Variants in CELA2A observed in about 807,000 individuals in gnomAD.
CELA2A encodes the protein chymotrypsin-like elastase family member 2A.
In CELA2A, 31 loss-of-function variants were observed where a neutral mutation model predicts 35.3. The observed-to-expected ratio is 0.88, with a 90% CI of 0.66 to 1.19. The LOEUF is 1.19. CELA2A is among the 50% of genes most tolerant of loss of function. The pLI, the probability that CELA2A is intolerant of heterozygous loss-of-function variation, is 0.00. For synonymous variants in CELA2A, 150 were observed against 149.8 expected (o/e 1.00, Z -0.01); for missense variants, 330 against 352.9 (o/e 0.94, Z 0.52).
chr1:15,462,594 C>T, intron 3 of CELA2A, 139 bp from the exon 4 acceptor site: 1 of 1,006,752 alleles, frequency 9.9e-7, no homozygotes, highest in Non-Finnish European at 1.5e-6. Flanking sequence ...TTATAACTAA[C>T]TGATTGTCCC....
chr1:15,464,823 A>G (rs201246163), intron 5 of CELA2A, among the ~76,000 whole-genome samples: 112 of 152,224 alleles, frequency 7.4e-4, no homozygotes, highest in East Asian at 1.7e-3. Context: ...CAGCTCTGTC[A>G]GTCACGGTGA....
chr1:15,457,406 G>A (rs1708376871), intron 2 of CELA2A: 1 of 486,336 alleles, frequency 2.1e-6, no homozygotes, highest in East Asian at 3.6e-5. Context: ...GAAGTCAGGA[G>A]TTTGAGACCA....
chr1:15,468,836 G>C (rs1158310424), intron 7 of CELA2A, among the ~76,000 whole-genome samples: 1 of 151,794 alleles, frequency 6.6e-6, no homozygotes, highest in East Asian at 1.9e-4. Context: ...TTAAGGAGCA[G>C]CCATGGATAC....
chr1:15,459,438 A>G (rs1451164896), intron 2 of CELA2A, among the ~76,000 whole-genome samples: 1 of 151,888 alleles, frequency 6.6e-6, no homozygotes, highest in Non-Finnish European at 1.5e-5. Context: ...TGCTGGGATC[A>G]CAGGCGTGAG....
At chr1:15,468,046 T>TC (rs1708546040) in intron 7 of CELA2A, among the ~76,000 whole-genome samples, 1 of 144,294 alleles carries the variant, frequency 6.9e-6, no homozygotes, top group Admixed American at 7.2e-5. Flanking sequence ...GAGCCAAAAT[T>TC]GCACCATTGC....
At chr1:15,470,059 G>A (rs761889601) in intron 7 of CELA2A, among the ~76,000 whole-genome samples, 8 of 152,182 alleles carry the variant, frequency 5.3e-5, no homozygotes, top group East Asian at 3.9e-4. Context: ...AGCACGCCTC[G>A]CAAGGCAGCT....
chr1:15,461,458 C>T, intron 2 of CELA2A, 103 bp from the exon 3 acceptor site: 1 of 1,246,346 alleles, frequency 8.0e-7, no homozygotes, highest in Non-Finnish European at 1.2e-6. Flanking sequence ...GCGACTGCCT[C>T]ACTCCCCCTT....
At chr1:15,462,952 C>T in intron 4 of CELA2A, 91 bp downstream of exon 4, 2 of 1,540,594 alleles carry the variant, frequency 1.3e-6, no homozygotes, top group Non-Finnish European at 1.8e-6. Context: ...ACACCACACC[C>T]CCTCTGCTTC....
chr1:15,465,907 G>A, intron 5 of CELA2A, 92 bp from the exon 6 acceptor site: 1 of 1,461,148 alleles, frequency 6.8e-7, no homozygotes, highest in Non-Finnish European at 9.5e-7. Context: ...ATGGATGGAA[G>A]ACAGGAACAG....
At chr1:15,469,006 C>T (rs1198273401) in intron 7 of CELA2A, among the ~76,000 whole-genome samples, 1 of 152,076 alleles carries the variant, frequency 6.6e-6, no homozygotes, top group Non-Finnish European at 1.5e-5. Flanking sequence ...GGGGAAACCC[C>T]GTCTCTACTA....
At chr1:15,461,356 C>T (rs1708431037) in intron 2 of CELA2A, among the ~76,000 whole-genome samples, 1 of 152,168 alleles carries the variant, frequency 6.6e-6, no homozygotes, top group African/African-American at 2.4e-5. Context: ...GCCACCATGC[C>T]TGGCCTGATT....
chr1:15,464,140 AG>A (rs1189852838), intron 5 of CELA2A, among the ~76,000 whole-genome samples: 1 of 152,208 alleles, frequency 6.6e-6, no homozygotes, highest in Non-Finnish European at 1.5e-5. Context: ...AGAATGGGGT[AG>A]GTGCTGTGTT....
At chr1:15,461,412 G>A in intron 2 of CELA2A, 149 bp from the exon 3 acceptor site, 3 of 717,420 alleles carry the variant, frequency 4.2e-6, no homozygotes, top group Non-Finnish European at 4.7e-6. Flanking sequence ...CTTGATGGCT[G>A]AGGTTTTGGG....
In CELA2A at chr1:15,467,471, G is replaced by C; in HGVS notation, c.725G>C (p.Gly242Ala). 1 of 1,614,028 alleles carries C rather than the reference G, an allele frequency of 6.2e-7. No individual in the cohort carries two copies. The highest frequency in any genetic ancestry group is 2.2e-5 in the East Asian group (1 of 44,890). ...HGIVSFGSRL[G>A]CNYYHKPSVF... ...ATCGTCAGCTTCGGGTCTCGCCTCGGCTGCAACTACTACCACAAGCCCTCC... is the reference window on the plus strand; with the variant it reads ...ATCGTCAGCTTCGGGTCTCGCCTCGCCTGCAACTACTACCACAAGCCCTCC... Residue 242 changes from glycine (G) to alanine (A), a missense_variant, in exon 7 of 8, where the codon GGC becomes GCC. Transcript: ENST00000359621.
Position 15,456,801 on chromosome 1 carries a change from C to T in CELA2A, c.40+8C>T. 1.2e-6 allele frequency: 2 copies of T among 1,614,126 alleles called. No individual in the cohort carries two copies. The highest frequency in any genetic ancestry group is 1.7e-6 in the Non-Finnish European group (2 of 1,179,996). On this transcript the variant is annotated splice_region_variant and intron_variant, in intron 1 of 7. Coordinates refer to ENST00000359621, the MANE Select transcript of CELA2A (RefSeq NM_033440.3). ...CCACTTTGGTGGCTGGAGGTAAGTC[C>T]TGTTACCCAGAGGCACTGGTTTCCC...
chr1:15,464,280 G>A (rs1390504038), intron 5 of CELA2A, among the ~76,000 whole-genome samples: 1 of 152,064 alleles, frequency 6.6e-6, no homozygotes, highest in East Asian at 1.9e-4. Flanking sequence ...GCCCTCATCA[G>A]ACCCTCCATG....
At chr1:15,466,343 C>T (rs1708517899) in intron 6 of CELA2A, among the ~76,000 whole-genome samples, 199 bp downstream of exon 6, 1 of 152,112 alleles carries the variant, frequency 6.6e-6, no homozygotes, top group Non-Finnish European at 1.5e-5. Context: ...GGGCAGACCA[C>T]TTGAGGTCAG....
chr1:15,464,027 G>A (rs1207788111), intron 5 of CELA2A, among the ~76,000 whole-genome samples: 1 of 152,096 alleles, frequency 6.6e-6, no homozygotes, highest in Non-Finnish European at 1.5e-5. Flanking sequence ...ACTCCAGCCT[G>A]GGGGACAGAG....
rs1708515003 is a variant in CELA2A, at chr1:15,466,152, C to T, written c.639+8C>T. 6.2e-7 allele frequency: 1 copy of T among 1,613,296 alleles called. No individual in the cohort carries two copies. The highest frequency in any genetic ancestry group is 8.5e-7 in the Non-Finnish European group (1 of 1,179,436). On this transcript the variant is annotated splice_region_variant and intron_variant, in intron 6 of 7. Coordinates refer to ENST00000359621, the MANE Select transcript of CELA2A (RefSeq NM_033440.3). The stretch of plus-strand genomic sequence containing the variant: ...GTGATCTCCAGCTGCAACGTGAGTA[C>T]CAAAATCAGGGGCTCCGCTCCATGA...
Sources: gnomAD v4.1 joint callset for allele counts (sites outside exome capture counted in the v4.1 genomes callset) on GRCh38, gnomAD v4.1.1 for gene constraint, MANE v1.5 for transcripts, NCBI Gene and HGNC (gene_info 2026-07-23, HGNC 2026-07-21) for gene names.